KITLG: variants seen among roughly 807,000 people sequenced by gnomAD.
KITLG encodes KIT ligand.
Under a neutral mutation model 34.1 loss-of-function variants are expected in KITLG, and 13 were observed. That is an observed-to-expected ratio of 0.38 (90% CI 0.25 to 0.61). The LOEUF (loss-of-function observed/expected upper bound fraction) is 0.61, where lower values mean the gene tolerates loss of function less well. Among genes scored for constraint, KITLG ranks in the 20% least tolerant of loss-of-function variants. KITLG has a pLI of 0.60. For missense variants in KITLG, 292 were observed against 318.9 expected (o/e 0.92, Z 0.64); for synonymous variants, 110 against 104.0 (o/e 1.06, Z -0.35).
At chr12:88,515,459 C>T in intron 6 of KITLG, 75 bp downstream of exon 6, 3 of 894,724 alleles carry the variant, frequency 3.4e-6, no homozygotes, top group Non-Finnish European at 5.6e-6. Context: ...TAGAAGTTTC[C>T]TTGAAAGCCC....
chr12:88,570,283 A>C (rs1420824284), intron 1 of KITLG, among the ~76,000 whole-genome samples: 1 of 152,192 alleles, frequency 6.6e-6, no homozygotes, highest in Non-Finnish European at 1.5e-5. Context: ...CAGATGAGTC[A>C]GGCAAGGGGT....
chr12:88,571,237 A>T lies in KITLG; in HGVS notation c.15+9027T>A, dbSNP rs1871640421. Among the ~76,000 whole-genome samples the T allele has an allele frequency of 2.0e-5, 3 of 152,222 alleles. No homozygotes were observed. In the South Asian group the frequency reaches 6.2e-4, roughly 31 times the overall value. On this transcript the variant is annotated intron_variant, in intron 1 of 9. Coordinates refer to ENST00000644744, the MANE Select transcript of KITLG (RefSeq NM_000899.5). Reference sequence around the variant, plus strand: ...CTTTTAGAGAAGGAAACAATGCTCTATTAAGTAAGTGCCAGTTGCTGTGAT... The same window carrying T: ...CTTTTAGAGAAGGAAACAATGCTCTTTTAAGTAAGTGCCAGTTGCTGTGAT...
chr12:88,569,900 T>C lies in KITLG; in HGVS notation c.15+10364A>G, dbSNP rs572287527. Among the ~76,000 whole-genome samples, 9 of 152,320 alleles carry C rather than the reference T, an allele frequency of 5.9e-5. No homozygotes were observed. In the East Asian group the frequency reaches 9.6e-4, roughly 16 times the overall value. ...ATGCAGAAAATATTTTTTTTAATAT[T>C]AATGCAGTTGGATTGATAAGAAATG... On this transcript the variant is annotated intron_variant, in intron 1 of 9. Transcript: ENST00000644744.
intron 1 of KITLG, among the ~76,000 whole-genome samples, chr12:88,571,715 T>A (rs1160712293): frequency 1.3e-5 from 2 of 152,196 alleles, no homozygotes; most frequent in Admixed American, 1.3e-4. Flanking sequence ...GCAACTGCAA[T>A]CATGAAATTT....
chr12:88,580,405 A>G lies in KITLG; in HGVS notation c.-127T>C. On this transcript the variant is annotated 5_prime_UTR_variant, in exon 1 of 10. Coordinates refer to ENST00000644744, the MANE Select transcript of KITLG (RefSeq NM_000899.5). ...TCCACGCATTGGGTAGCCCGAGCGC[A>G]GCGCCCTCTCCACTGTCCCTGCTTC... is the stretch of plus-strand genomic sequence containing the variant. 9.0e-7 allele frequency: 1 copy of G among 1,115,454 alleles called. No homozygotes were observed. The highest frequency in any genetic ancestry group is 1.3e-6 in the Non-Finnish European group (1 of 749,472). 69.1% of individuals were successfully genotyped at this position (1,115,454 alleles called of 1,614,324 possible). A position where few individuals can be genotyped will look rare whatever the true frequency, so the allele number is the denominator to read the frequency against.
At chr12:88,522,877 T>C (rs538307224) in intron 3 of KITLG, among the ~76,000 whole-genome samples, 1 of 152,320 alleles carries the variant, frequency 6.6e-6, no homozygotes, top group Non-Finnish European at 1.5e-5. Context: ...ATGTTCTTTC[T>C]TATAGGGCCT....
rs546668584 is a variant in KITLG, at chr12:88,559,144, C to T, written c.16-13279G>A. On this transcript the variant is annotated intron_variant, in intron 1 of 9. Coordinates refer to ENST00000644744, the MANE Select transcript of KITLG (RefSeq NM_000899.5). ...TACTGTTGATTGTCTCTTTCAATTG[C>T]CATTCCAATATTCTCCTAGCATATC... 6.6e-5 allele frequency among the ~76,000 whole-genome samples: 10 copies of T among 152,294 alleles called. No homozygotes were observed. The South Asian group carries it at 1.0e-3, about 16-fold the overall frequency.
At chr12:88,516,669 G>C (rs1006201553) in intron 4 of KITLG, among the ~76,000 whole-genome samples, 179 bp from the exon 5 acceptor site, 1 of 151,754 alleles carries the variant, frequency 6.6e-6, no homozygotes, top group East Asian at 1.9e-4. Flanking sequence ...AGTGATCCCA[G>C]TGGGATCACA....
chr12:88,514,526 T>G (rs1206574466), intron 6 of KITLG, among the ~76,000 whole-genome samples: 1 of 151,710 alleles, frequency 6.6e-6, no homozygotes, highest in Non-Finnish European at 1.5e-5. Context: ...GCACATAATG[T>G]ATAACATATA....
intron 1 of KITLG, among the ~76,000 whole-genome samples, chr12:88,549,002 T>C (rs1459516426): frequency 6.6e-6 from 1 of 152,170 alleles, no homozygotes; most frequent in Admixed American, 6.5e-5. Context: ...GAAGACAAAA[T>C]TTCACCAAAG....
chr12:88,513,887 G>T (rs1950582532), intron 6 of KITLG, among the ~76,000 whole-genome samples: 1 of 151,594 alleles, frequency 6.6e-6, no homozygotes, highest in Non-Finnish European at 1.5e-5. Context: ...AGGAAGGGAA[G>T]ATATAAACAA....
At chr12:88,539,560 A>G (rs1870447261) in intron 2 of KITLG, among the ~76,000 whole-genome samples, 1 of 151,804 alleles carries the variant, frequency 6.6e-6, no homozygotes. Flanking sequence ...AATCTAACCA[A>G]CCAGGTGTAT....
At chr12:88,566,630 G>A (rs1871452125) in intron 1 of KITLG, among the ~76,000 whole-genome samples, 2 of 152,308 alleles carry the variant, frequency 1.3e-5, no homozygotes, top group Middle Eastern at 6.8e-3. Flanking sequence ...GTATGTCATT[G>A]TACATAGTTA....
chr12:88,568,102 TA>T (rs62809461), intron 1 of KITLG, among the ~76,000 whole-genome samples: 146,440 of 152,178 alleles, frequency 0.96, 70,504 homozygotes, highest in East Asian at 1. Context: ...CTCAGTTAAT[TA>T]ACTCTCTTGA....
chr12:88,544,703 G>T (rs1488338865), intron 2 of KITLG, among the ~76,000 whole-genome samples: 7 of 152,074 alleles, frequency 4.6e-5, no homozygotes, highest in Admixed American at 3.9e-4. Flanking sequence ...TGTATAAATT[G>T]TGTCTGTGTG....
chr12:88,513,985 T>A (rs1225472767), intron 6 of KITLG, among the ~76,000 whole-genome samples: 1 of 151,608 alleles, frequency 6.6e-6, no homozygotes, highest in Non-Finnish European at 1.5e-5. Context: ...TTCAAAAAAA[T>A]TATAGAGTAT....
Position 88,566,447 on chromosome 12 carries a change from G to GT in KITLG, c.15+13816dup, listed in dbSNP as rs920392048. Reference sequence around the variant, plus strand: ...ATATAATGTGATAAGTGATATGATTGTTTTTTTAAATGCTACAGGAGCTCA... The same window carrying GT: ...ATATAATGTGATAAGTGATATGATTGTTTTTTTTAAATGCTACAGGAGCTCA... On this transcript the variant is annotated intron_variant, in intron 1 of 9. Coordinates refer to ENST00000644744, the MANE Select transcript of KITLG (RefSeq NM_000899.5). 1.6e-4 allele frequency among the ~76,000 whole-genome samples: 24 copies of GT among 152,306 alleles called. 1 individual carries two copies. The highest frequency in any genetic ancestry group is 6.8e-3 in the Middle Eastern group (2 of 294).
At chr12:88,554,849 A>G (rs979408533) in intron 1 of KITLG, among the ~76,000 whole-genome samples, 1 of 152,220 alleles carries the variant, frequency 6.6e-6, no homozygotes, top group Non-Finnish European at 1.5e-5. Flanking sequence ...TAAAGGGACA[A>G]CTGAAACATT....
chr12:88,539,783 G>A (rs571277657), intron 2 of KITLG, among the ~76,000 whole-genome samples: 106 of 152,044 alleles, frequency 7.0e-4, no homozygotes, highest in African/African-American at 2.5e-3. Flanking sequence ...AATTAGTCAG[G>A]TATGGTGGCA....
Sources: allele counts gnomAD v4.1 joint callset (sites outside exome capture counted in the v4.1 genomes callset), GRCh38; gene constraint gnomAD v4.1.1; transcripts MANE v1.5; gene names NCBI Gene and HGNC (gene_info 2026-07-23, HGNC 2026-07-21).